The following ZNF713 variants were observed in gnomAD, a reference collection of about 807,000 sequenced individuals.
ZNF713 encodes the protein zinc finger protein 713.
Under a neutral mutation model 28.7 loss-of-function variants are expected in ZNF713, and 21 were observed. That is an observed-to-expected ratio of 0.73 (90% CI 0.52 to 1.05). The LOEUF is 1.05. Ranked by LOEUF, ZNF713 falls within the 50% of genes least tolerant of loss-of-function variation. The pLI is 0.00. For synonymous variants in ZNF713, 167 were observed against 178.0 expected (o/e 0.94, Z 0.49); for missense variants, 458 against 532.4 (o/e 0.86, Z 1.37).
chr7:55,916,523 G>A (rs1354827194), intron 4 of ZNF713, among the ~76,000 whole-genome samples: 1 of 152,130 alleles, frequency 6.6e-6, no homozygotes, highest in Admixed American at 6.5e-5. Flanking sequence ...TTCTTTCCTA[G>A]AATATAAGCT....
rs927581355 is a variant in ZNF713, at chr7:55,899,445, G to C, written c.-582-6808G>C. Among the ~76,000 whole-genome samples the C allele has an allele frequency of 7.2e-4, 55 of 76,232 alleles. 1 individual carries two copies. The highest frequency in any genetic ancestry group is 8.8e-3 in the Middle Eastern group (1 of 114). 50.0% of individuals were successfully genotyped at this position (76,232 alleles called of 152,430 possible). On this transcript the variant is annotated intron_variant, in intron 1 of 6. Coordinates refer to ENST00000429591, the MANE Select transcript of ZNF713 (RefSeq NM_182633.3). Reference sequence around the variant, plus strand: ...TTTGGGAGGCCGAGGGGGGGGGGGGGGTTGATCACAAGGTCAGGAGTTCAA... The same window carrying C: ...TTTGGGAGGCCGAGGGGGGGGGGGGCGTTGATCACAAGGTCAGGAGTTCAA...
At chr7:55,896,310 C>T (rs1441801857) in intron 1 of ZNF713, among the ~76,000 whole-genome samples, 2 of 152,088 alleles carry the variant, frequency 1.3e-5, no homozygotes, top group Non-Finnish European at 2.9e-5. Flanking sequence ...AGTATCTTAA[C>T]TGGATACTGT....
intron 6 of ZNF713, among the ~76,000 whole-genome samples, 176 bp from the exon 7 acceptor site, chr7:55,938,806 T>C (rs1786405665): frequency 1.3e-5 from 2 of 152,210 alleles, no homozygotes; most frequent in Non-Finnish European, 2.9e-5. Context: ...TCTTGTGACT[T>C]CTCATAATCT....
intron 4 of ZNF713, among the ~76,000 whole-genome samples, chr7:55,922,537 CAA>C (rs71015126): frequency 2.2e-4 from 19 of 86,366 alleles, no homozygotes; most frequent in South Asian, 3.7e-4. Flanking sequence ...GACTCTGTCT[CAA>C]AAAAAAAAAA....
At position 55,911,621 on chromosome 7, in the gene ZNF713, C is replaced by A. The variant is rs1785785058; in HGVS notation, c.-450C>A. On this transcript the variant is annotated 5_prime_UTR_variant, in exon 3 of 7. Coordinates refer to ENST00000429591, the MANE Select transcript of ZNF713 (RefSeq NM_182633.3). ...CCTGGTGCATCTCATTACAGGTCTT[C>A]AACCTAAAATTCTATCTTACAAGAT... 2.0e-5 allele frequency: 3 copies of A among 152,014 alleles called. No homozygotes were observed. The highest frequency in any genetic ancestry group is 2.0e-4 in the Admixed American group (3 of 15,254). 9.4% of individuals were successfully genotyped at this position (152,014 alleles called of 1,614,324 possible).
At chr7:55,920,182 CAAAG>C (rs1785968813) in intron 4 of ZNF713, among the ~76,000 whole-genome samples, 1 of 152,152 alleles carries the variant, frequency 6.6e-6, no homozygotes, top group Non-Finnish European at 1.5e-5. Context: ...CATGGATGAG[CAAAG>C]AAAGTGGTTT....
intron 1 of ZNF713, among the ~76,000 whole-genome samples, chr7:55,898,586 T>C (rs920589917): frequency 6.6e-6 from 1 of 152,126 alleles, no homozygotes; most frequent in South Asian, 2.1e-4. Context: ...ATTCACTCAT[T>C]ATCGTGAGAA....
chr7:55,895,059 A>G (rs1785448623), intron 1 of ZNF713, among the ~76,000 whole-genome samples: 3 of 152,192 alleles, frequency 2.0e-5, no homozygotes, highest in South Asian at 4.1e-4. Flanking sequence ...AATATTTGCC[A>G]AAAAGTAAAA....
chr7:55,900,936 G>T (rs1432112893), intron 1 of ZNF713, among the ~76,000 whole-genome samples: 2 of 152,166 alleles, frequency 1.3e-5, no homozygotes, highest in East Asian at 3.8e-4. Context: ...CTCCCAAAGT[G>T]CTGGGATTAC....
chr7:55,887,797 AGGCGGG>A lies in ZNF713; in HGVS notation c.-583+120_-583+125del, dbSNP rs1785289250. The A allele has an allele frequency of 5.0e-3, 3 of 606 alleles. 1 individual carries two copies. Among genetic ancestry groups the A allele is most frequent in the Non-Finnish European group, 0.011 (3 of 262 alleles). 0.0% of individuals were successfully genotyped at this position (606 alleles called of 1,614,324 possible). On this transcript the variant is annotated intron_variant, in intron 1 of 6. Coordinates refer to ENST00000429591, the MANE Select transcript of ZNF713 (RefSeq NM_182633.3). ...GGCGGGGGGCGGAGGCGGGGGGCGG[AGGCGGG>A]GGGCGGCGGGCGGCGGGCGGCGGGC...
intron 1 of ZNF713, among the ~76,000 whole-genome samples, chr7:55,898,355 T>A (rs993812148): frequency 6.6e-6 from 1 of 152,226 alleles, no homozygotes; most frequent in Admixed American, 6.5e-5. Flanking sequence ...TAGTCTGTTC[T>A]CACTGCTACT....
intron 6 of ZNF713, among the ~76,000 whole-genome samples, chr7:55,937,337 C>A (rs549811263): frequency 2.6e-3 from 400 of 151,814 alleles, no homozygotes; most frequent in Non-Finnish European, 4.5e-3. Context: ...TTAAAAAAAA[C>A]TACAGTGAGT....
intron 6 of ZNF713, among the ~76,000 whole-genome samples, chr7:55,938,433 A>G (rs1009954499): frequency 1.3e-5 from 2 of 152,102 alleles, no homozygotes; most frequent in African/African-American, 4.8e-5. Flanking sequence ...AACTATTAAC[A>G]AGGATTTCCT....
chr7:55,903,301 G>A (rs1041633709), intron 1 of ZNF713, among the ~76,000 whole-genome samples: 1 of 152,038 alleles, frequency 6.6e-6, no homozygotes, highest in Admixed American at 6.6e-5. Context: ...CTACCGTCAT[G>A]GAGATTAACA....
Position 55,939,373 on chromosome 7 carries a change from T to C in ZNF713, c.699T>C (p.Thr233=), listed in dbSNP as rs1786417885. The part of the protein sequence containing the change: ...IYYQGNYVRE[T]PYEYSECGKI... ...ATCAGGGAAATTATGTAAGAGAGAC[T>C]CCCTATGAATATAGTGAGTGTGGAA... Residue 233 remains threonine, a synonymous_variant, in exon 7 of 7, where the codon ACT becomes ACC. Transcript: ENST00000429591. The C allele has an allele frequency of 1.9e-6, 3 of 1,613,744 alleles. No individual in the cohort carries two copies. The Admixed American group carries it at 5.0e-5, about 27-fold the overall frequency.
At chr7:55,923,746 C>T (rs1786044133) in intron 6 of ZNF713, 47 bp downstream of exon 6, 2 of 1,461,200 alleles carry the variant, frequency 1.4e-6, no homozygotes, top group African/African-American at 2.8e-5. Flanking sequence ...GGAAAACAGC[C>T]ACTTCTGAAC....
At chr7:55,933,929 C>G (rs1373208168) in intron 6 of ZNF713, among the ~76,000 whole-genome samples, 1 of 151,938 alleles carries the variant, frequency 6.6e-6, no homozygotes, top group Non-Finnish European at 1.5e-5. Context: ...TGGTCTTGAG[C>G]TCCTGGGCTC....
chr7:55,919,734 T>G (rs1481184563), intron 4 of ZNF713, among the ~76,000 whole-genome samples: 1 of 152,036 alleles, frequency 6.6e-6, no homozygotes, highest in African/African-American at 2.4e-5. Flanking sequence ...ACACATACTA[T>G]AAATGTTAAA....
intron 6 of ZNF713, among the ~76,000 whole-genome samples, chr7:55,927,560 T>C (rs950365700): frequency 6.6e-6 from 1 of 151,814 alleles, no homozygotes; most frequent in East Asian, 2.0e-4. Context: ...GGAACGATTT[T>C]ACTTGTTTAT....
Sources: allele counts gnomAD v4.1 joint callset (sites outside exome capture counted in the v4.1 genomes callset), GRCh38; gene constraint gnomAD v4.1.1; transcripts MANE v1.5; gene names NCBI Gene and HGNC (gene_info 2026-07-23, HGNC 2026-07-21).